VWA3B: variants seen among roughly 807,000 people sequenced by gnomAD.
VWA3B encodes the protein von Willebrand factor A domain containing 3B, also known as von Willebrand factor A domain-containing protein 3B.
A neutral mutation model predicts 158.3 loss-of-function variants in VWA3B; 138 were observed. The ratio of observed to expected loss-of-function variants is 0.87; its 90% CI spans 0.76 to 1.00. The LOEUF is 1.00. VWA3B is among the 50% of genes least tolerant of loss of function. The pLI is 0.00. For synonymous variants in VWA3B, 596 were observed against 587.3 expected (o/e 1.01, Z -0.21); for missense variants, 1,555 against 1,565.1 (o/e 0.99, Z 0.11).
intron 8 of VWA3B, among the ~76,000 whole-genome samples, chr2:98,172,168 A>G (rs1679645368): frequency 6.6e-6 from 1 of 152,188 alleles, no homozygotes; most frequent in South Asian, 2.1e-4. Flanking sequence ...GCCTTGGTGT[A>G]CCAGAAGAAT....
At chr2:98,160,522 G>C (rs1236806079) in intron 7 of VWA3B, among the ~76,000 whole-genome samples, 1 of 152,162 alleles carries the variant, frequency 6.6e-6, no homozygotes, top group Non-Finnish European at 1.5e-5. Context: ...GTCCCTGGAT[G>C]ACCAAGAGCC....
chr2:98,165,935 G>A (rs1341240765), intron 8 of VWA3B, among the ~76,000 whole-genome samples: 2 of 152,194 alleles, frequency 1.3e-5, no homozygotes, highest in African/African-American at 4.8e-5. Context: ...TGGGGAGCCT[G>A]CTGCTAAGGC....
chr2:98,147,562 A>G (rs1342691122), intron 7 of VWA3B, among the ~76,000 whole-genome samples: 1 of 152,220 alleles, frequency 6.6e-6, no homozygotes, highest in African/African-American at 2.4e-5. Context: ...AGTTGACATT[A>G]AAAATATCAA....
rs774638569 is a variant in VWA3B at position 98,290,692 on chromosome 2, A to G, written c.3157+70A>G. The G allele has an allele frequency of 3.1e-5, 34 of 1,114,088 alleles. No individual in the cohort carries two copies. The African/African-American group carries it at 5.1e-4, about 17-fold the overall frequency. The allele number at this position is 1,114,088 out of a possible 1,614,324, so 69.0% of individuals were successfully genotyped here. A position where few individuals can be genotyped will look rare whatever the true frequency, so the allele number is the denominator to read the frequency against. On this transcript the variant is annotated intron_variant, in intron 23 of 27. Coordinates refer to ENST00000477737, the MANE Select transcript of VWA3B (RefSeq NM_144992.5). ...TTGATACTAGGGACAAGAAGTTTCAACCTGTGCTTTTGCTAGAACACTGAC... is the reference window on the plus strand; with the variant it reads ...TTGATACTAGGGACAAGAAGTTTCAGCCTGTGCTTTTGCTAGAACACTGAC...
At chr2:98,307,151 G>T (rs1690575749) in intron 26 of VWA3B, among the ~76,000 whole-genome samples, 1 of 152,164 alleles carries the variant, frequency 6.6e-6, no homozygotes, top group Admixed American at 6.5e-5. Context: ...ATTCCCCGGT[G>T]CTATAAAGAA....
intron 19 of VWA3B, chr2:98,245,569 G>A (rs920645742): frequency 2.0e-5 from 9 of 456,878 alleles, no homozygotes; most frequent in Non-Finnish European, 2.6e-5. Flanking sequence ...CAATGGCCAC[G>A]AAAGGCATGA....
intron 22 of VWA3B, among the ~76,000 whole-genome samples, chr2:98,273,958 C>T (rs979501853): frequency 6.6e-6 from 1 of 152,170 alleles, no homozygotes; most frequent in Non-Finnish European, 1.5e-5. Context: ...TCATTGTTTA[C>T]AACATACGAA....
In VWA3B at chr2:98,172,730, G is replaced by A. The variant is rs913518559; in HGVS notation, c.1115-8286G>A. On this transcript the variant is annotated intron_variant, in intron 8 of 27. Coordinates refer to ENST00000477737, the MANE Select transcript of VWA3B (RefSeq NM_144992.5). The stretch of plus-strand genomic sequence containing the variant: ...TAAGCTCCTAGATGGATATGGTGTC[G>A]TCCACTACACTGAGAGAATGCTGGA... 5.3e-5 allele frequency among the ~76,000 whole-genome samples: 8 copies of A among 152,132 alleles called. No homozygotes were observed. The South Asian group carries it at 1.0e-3, about 20-fold the overall frequency.
chr2:98,256,107 C>CT lies in VWA3B; in HGVS notation c.2793-6dup, dbSNP rs199787027. ...AGTACTGCTACAAAATTATTGTTGA[C>CT]TTTTTTTTTTTAACAGGCGCTTGAA... On this transcript the variant is annotated splice_polypyrimidine_tract_variant and intron_variant, in intron 20 of 27. Transcript: ENST00000477737. 0.011 allele frequency: 11,753 copies of CT among 1,081,254 alleles called. No individual in the cohort carries two copies. Among genetic ancestry groups the CT allele is most frequent in the South Asian group, 0.019 (1,161 of 59,540 alleles). 67.0% of individuals were successfully genotyped at this position (1,081,254 alleles called of 1,614,324 possible). A position where few individuals can be genotyped will look rare whatever the true frequency, so the allele number is the denominator to read the frequency against.
rs755798917 is a variant in VWA3B at position 98,290,639 on chromosome 2, T to A, written c.3157+17T>A. 6.7e-5 allele frequency: 100 copies of A among 1,481,874 alleles called. No individual in the cohort carries two copies. Among genetic ancestry groups the A allele is most frequent in the Middle Eastern group, 1.7e-4 (1 of 5,810 alleles). The allele number at this position is 1,481,874 out of a possible 1,614,324, so 91.8% of individuals were successfully genotyped here. ...ATTTTCCAGGTAGTTTTTTTTTTTT[T>A]AATTTCGTGAGGCTTTTGTTAAATA... On this transcript the variant is annotated intron_variant, in intron 23 of 27. Coordinates refer to ENST00000477737, the MANE Select transcript of VWA3B (RefSeq NM_144992.5).
chr2:98,137,344 T>A (rs1248449634), intron 7 of VWA3B, among the ~76,000 whole-genome samples: 1 of 152,206 alleles, frequency 6.6e-6, no homozygotes, highest in African/African-American at 2.4e-5. Flanking sequence ...TCCTAATGGG[T>A]GTGAGGCAAT....
At chr2:98,270,649 C>T (rs1276653641) in intron 21 of VWA3B, 33 bp from the exon 22 acceptor site, 3 of 1,581,018 alleles carry the variant, frequency 1.9e-6, no homozygotes, top group Admixed American at 1.8e-5. Context: ...TTGTTTCTTC[C>T]TCTGTTTGTT....
At chr2:98,092,816 G>GTATGTATA (rs1553633938) in intron 1 of VWA3B, among the ~76,000 whole-genome samples, 32 of 51,498 alleles carry the variant, frequency 6.2e-4, no homozygotes, top group East Asian at 1.7e-3. Flanking sequence ...AGATGTTTTT[G>GTATGTATA]TATATATATA....
chr2:98,210,355 T>C (rs1259284403), intron 12 of VWA3B, among the ~76,000 whole-genome samples: 1 of 152,194 alleles, frequency 6.6e-6, no homozygotes, highest in Non-Finnish European at 1.5e-5. Context: ...ACGCTGGGCA[T>C]GAACTTTTAC....
chr2:98,096,418 G>A (rs1282955920), intron 2 of VWA3B, among the ~76,000 whole-genome samples: 1 of 152,120 alleles, frequency 6.6e-6, no homozygotes, highest in Non-Finnish European at 1.5e-5. Flanking sequence ...ACAGGCATGT[G>A]CCACCATGCC....
At chr2:98,272,042 T>A (rs1382162538) in intron 22 of VWA3B, among the ~76,000 whole-genome samples, 1 of 152,132 alleles carries the variant, frequency 6.6e-6, no homozygotes, top group Non-Finnish European at 1.5e-5. Context: ...GTGGGGGATT[T>A]CCCCACACAT....
intron 7 of VWA3B, among the ~76,000 whole-genome samples, chr2:98,140,745 A>G (rs1033273282): frequency 6.6e-6 from 1 of 152,106 alleles, no homozygotes; most frequent in Non-Finnish European, 1.5e-5. Flanking sequence ...CTCTGTTAAT[A>G]AGCGTGGATT....
chr2:98,089,134 T>A (rs1041915630), intron 1 of VWA3B, among the ~76,000 whole-genome samples: 16 of 152,220 alleles, frequency 1.1e-4, no homozygotes, highest in African/African-American at 3.6e-4. Flanking sequence ...ATTAACACTG[T>A]GGATATTTGC....
chr2:98,114,537 C>T (rs1559543633), intron 2 of VWA3B, among the ~76,000 whole-genome samples: 1 of 152,176 alleles, frequency 6.6e-6, no homozygotes, highest in Non-Finnish European at 1.5e-5. Flanking sequence ...CTCTTTTTAG[C>T]TCTCCAGAGG....
Sources: gnomAD v4.1 joint callset for allele counts (sites outside exome capture counted in the v4.1 genomes callset) on GRCh38, gnomAD v4.1.1 for gene constraint, MANE v1.5 for transcripts, NCBI Gene and HGNC (gene_info 2026-07-23, HGNC 2026-07-21) for gene names.